ELK3: variants seen among roughly 807,000 people sequenced by gnomAD.
ELK3 encodes ETS domain-containing protein Elk-3.
Under a neutral mutation model 28.9 loss-of-function variants are expected in ELK3, and 10 were observed. The ratio of observed to expected loss-of-function variants is 0.35; its 90% CI spans 0.21 to 0.59. The LOEUF is 0.59. Ranked by LOEUF, ELK3 falls within the 20% of genes least tolerant of loss-of-function variation. The pLI, the probability that ELK3 is intolerant of heterozygous loss-of-function variation, is 0.82. For missense variants in ELK3, 463 were observed against 517.3 expected (o/e 0.90, Z 1.02); for synonymous variants, 272 against 243.5 (o/e 1.12, Z -1.09).
chr12:96,261,261 C>T (rs953117668), intron 4 of ELK3, among the ~76,000 whole-genome samples: 3 of 152,032 alleles, frequency 2.0e-5, no homozygotes, highest in African/African-American at 7.2e-5. Flanking sequence ...ATGAAGTGAC[C>T]ATATCCTTGG....
At chr12:96,265,407 TG>T (rs886725325) in intron 4 of ELK3, among the ~76,000 whole-genome samples, 1 of 152,120 alleles carries the variant, frequency 6.6e-6, no homozygotes, top group Admixed American at 6.6e-5. Context: ...AAATGCAGGC[TG>T]GGCACAGTGG....
intron 1 of ELK3, among the ~76,000 whole-genome samples, chr12:96,204,680 TCTC>T (rs1951529001): frequency 6.6e-6 from 1 of 152,280 alleles, no homozygotes; most frequent in Admixed American, 6.5e-5. Flanking sequence ...CAGTAGGAGT[TCTC>T]CTCTGCTTGC....
intron 2 of ELK3, among the ~76,000 whole-genome samples, chr12:96,229,342 T>G (rs1403311141): frequency 2.6e-5 from 4 of 152,120 alleles, no homozygotes; most frequent in Non-Finnish European, 5.9e-5. Flanking sequence ...AGGCCAGATG[T>G]CCAGAGCCAG....
At chr12:96,259,174 A>G (rs938449030) in intron 3 of ELK3, among the ~76,000 whole-genome samples, 2 of 152,226 alleles carry the variant, frequency 1.3e-5, no homozygotes, top group African/African-American at 4.8e-5. Flanking sequence ...TACAAACTTG[A>G]ATTTTCCACC....
chr12:96,235,813 T>G (rs1162453005), intron 2 of ELK3, among the ~76,000 whole-genome samples: 1 of 152,032 alleles, frequency 6.6e-6, no homozygotes, highest in African/African-American at 2.4e-5. Flanking sequence ...GGGAGCAGTT[T>G]TATTTATTTT....
At chr12:96,202,445 T>C (rs147174352) in intron 1 of ELK3, among the ~76,000 whole-genome samples, 275 of 152,182 alleles carry the variant, frequency 1.8e-3, no homozygotes, top group African/African-American at 4.7e-3. Context: ...CCATGTTTTA[T>C]TGGGGAAGCC....
intron 2 of ELK3, among the ~76,000 whole-genome samples, chr12:96,237,253 G>C (rs1319609925): frequency 6.6e-6 from 1 of 152,202 alleles, no homozygotes; most frequent in Non-Finnish European, 1.5e-5. Context: ...TCAGGTTTAT[G>C]GGTCAGAGGA....
chr12:96,204,150 G>A (rs1026504601), intron 1 of ELK3, among the ~76,000 whole-genome samples: 3 of 152,096 alleles, frequency 2.0e-5, no homozygotes, highest in African/African-American at 7.2e-5. Flanking sequence ...AGGATATGTT[G>A]AAAGAATCTC....
At chr12:96,217,576 C>T (rs1156921177) in intron 1 of ELK3, among the ~76,000 whole-genome samples, 1 of 152,120 alleles carries the variant, frequency 6.6e-6, no homozygotes, top group Admixed American at 6.5e-5. Context: ...AAATCTCGAA[C>T]GTGTTCATTT....
At chr12:96,243,068 G>C (rs1394873660) in intron 2 of ELK3, among the ~76,000 whole-genome samples, 1 of 152,190 alleles carries the variant, frequency 6.6e-6, no homozygotes, top group Non-Finnish European at 1.5e-5. Flanking sequence ...GGTTATGACA[G>C]TTGCTTCTAG....
intron 1 of ELK3, among the ~76,000 whole-genome samples, chr12:96,196,421 TG>T (rs11331932): frequency 0.92 from 139,590 of 151,096 alleles, 64,470 homozygotes; most frequent in East Asian, 1. Context: ...TCTTTGGGGG[TG>T]GGGGGGGTGT....
intron 2 of ELK3, among the ~76,000 whole-genome samples, chr12:96,245,662 A>G (rs1305562351): frequency 1.3e-5 from 2 of 152,134 alleles, no homozygotes; most frequent in African/African-American, 4.8e-5. Flanking sequence ...TTTGTGCTTG[A>G]GAGAGACCAT....
chr12:96,242,721 G>T (rs773466909), intron 2 of ELK3, among the ~76,000 whole-genome samples: 1 of 152,138 alleles, frequency 6.6e-6, no homozygotes, highest in African/African-American at 2.4e-5. Flanking sequence ...AGATGTCCCC[G>T]GTGCTGAGTC....
At chr12:96,200,438 T>C (rs1261331927) in intron 1 of ELK3, among the ~76,000 whole-genome samples, 2 of 152,148 alleles carry the variant, frequency 1.3e-5, no homozygotes, top group Admixed American at 1.3e-4. Context: ...TCTTAAGTGT[T>C]ATTGTATACA....
intron 3 of ELK3, chr12:96,255,558 G>C (rs1406677680): frequency 6.6e-6 from 1 of 152,202 alleles, no homozygotes; most frequent in Non-Finnish European, 1.5e-5. Context: ...CAAGTAAGAG[G>C]GTTTGGGGAG....
chr12:96,244,480 A>G (rs944971388), intron 2 of ELK3, among the ~76,000 whole-genome samples: 1 of 150,408 alleles, frequency 6.6e-6, no homozygotes, highest in African/African-American at 2.5e-5. Flanking sequence ...AAGAAGAAAC[A>G]GTTATTTAAG....
rs760878221 is a variant in ELK3 at position 96,247,149 on chromosome 12, C to T, written c.417C>T (p.His139=). 1.2e-6 allele frequency: 2 copies of T among 1,614,120 alleles called. No individual in the cohort carries two copies. The highest frequency in any genetic ancestry group is 1.3e-5 in the African/African-American group (1 of 75,074). Residue 139 remains histidine, a synonymous_variant, in exon 3 of 5, where the codon CAC becomes CAT. Transcript: ENST00000228741. The surrounding 1 kb of genome is among the most constrained non-coding windows in gnomAD (Gnocchi z 5.5). ...GCACGAGCCGCAACGAATACATCCACTCAGGCCTGTACTCGTCCTTCACCA... is the reference window on the plus strand; with the variant it reads ...GCACGAGCCGCAACGAATACATCCATTCAGGCCTGTACTCGTCCTTCACCA... ...LRSTSRNEYI[H]SGLYSSFTIN... is the part of the protein sequence containing the mutation.
At chr12:96,249,840 A>T (rs1951890487) in intron 3 of ELK3, among the ~76,000 whole-genome samples, 2 of 152,184 alleles carry the variant, frequency 1.3e-5, no homozygotes, top group African/African-American at 4.8e-5. Flanking sequence ...CAACAAATGG[A>T]TGCAGAGGGC....
At chr12:96,265,877 A>G (rs1419004190) in intron 4 of ELK3, among the ~76,000 whole-genome samples, 1 of 152,212 alleles carries the variant, frequency 6.6e-6, no homozygotes, top group Non-Finnish European at 1.5e-5. Context: ...AAAAGAAACA[A>G]AAACCTTGAA....
Sources: gnomAD v4.1 joint callset for allele counts (sites outside exome capture counted in the v4.1 genomes callset) on GRCh38, gnomAD v4.1.1 for gene constraint, Gnocchi (gnomAD v3.1) non-coding constraint, MANE v1.5 for transcripts, NCBI Gene and HGNC (gene_info 2026-07-23, HGNC 2026-07-21) for gene names.